KLHL1: variants seen among roughly 807,000 people sequenced by gnomAD.
KLHL1 encodes the protein kelch-like protein 1.
A neutral mutation model predicts 77.7 loss-of-function variants in KLHL1; 47 were observed. That is an observed-to-expected ratio of 0.60 (90% CI 0.48 to 0.77). The LOEUF is 0.77. KLHL1 is among the 30% of genes least tolerant of loss of function. The probability of loss-of-function intolerance (pLI) is 0.00; values close to 1 mark genes in which losing one functional copy is unlikely to be tolerated. For missense variants in KLHL1, 925 were observed against 910.8 expected (o/e 1.02, Z -0.20); for synonymous variants, 360 against 325.2 (o/e 1.11, Z -1.15).
At chr13:69,844,773 T>C (rs1374697690) in intron 5 of KLHL1, among the ~76,000 whole-genome samples, 1 of 151,644 alleles carries the variant, frequency 6.6e-6, no homozygotes, top group East Asian at 1.9e-4. Context: ...TTTTTATTTA[T>C]TTATTTATTT....
intron 1 of KLHL1, among the ~76,000 whole-genome samples, chr13:70,032,979 A>G (rs926524113): frequency 1.3e-5 from 2 of 152,136 alleles, no homozygotes; most frequent in Non-Finnish European, 2.9e-5. Context: ...TTTGAATTCA[A>G]TGGGATTGCT....
intron 7 of KLHL1, among the ~76,000 whole-genome samples, chr13:69,795,133 C>T (rs1207287499): frequency 6.6e-6 from 1 of 152,126 alleles, no homozygotes; most frequent in African/African-American, 2.4e-5. Flanking sequence ...ATATCTTGTG[C>T]CCCCATCAAC....
At chr13:69,853,615 G>A (rs1879779099) in intron 5 of KLHL1, among the ~76,000 whole-genome samples, 1 of 151,964 alleles carries the variant, frequency 6.6e-6, no homozygotes, top group Non-Finnish European at 1.5e-5. Flanking sequence ...AGTTTAATGT[G>A]TAGATACATA....
At chr13:70,025,744 A>C (rs1388557246) in intron 1 of KLHL1, among the ~76,000 whole-genome samples, 1 of 151,866 alleles carries the variant, frequency 6.6e-6, no homozygotes, top group South Asian at 2.1e-4. Context: ...TGTTTTAAAA[A>C]TATGTACAGG....
At chr13:70,018,355 G>C (rs1179877763) in intron 1 of KLHL1, among the ~76,000 whole-genome samples, 1 of 152,184 alleles carries the variant, frequency 6.6e-6, no homozygotes, top group Non-Finnish European at 1.5e-5. Flanking sequence ...AACTCAAATA[G>C]TGGGGTTATG....
chr13:70,038,581 ATTTTTTTT>A (rs55885952), intron 1 of KLHL1, among the ~76,000 whole-genome samples: 49 of 73,054 alleles, frequency 6.7e-4, no homozygotes, highest in African/African-American at 2.5e-3. Flanking sequence ...ATTGTCATTA[ATTTTTTTT>A]TTTTTTTTTT....
chr13:69,793,626 G>T (rs1876972071), intron 7 of KLHL1, among the ~76,000 whole-genome samples: 1 of 151,544 alleles, frequency 6.6e-6, no homozygotes, highest in Non-Finnish European at 1.5e-5. Context: ...TGTATAATAT[G>T]TTATTATATA....
intron 10 of KLHL1, among the ~76,000 whole-genome samples, chr13:69,704,334 A>C (rs2137867877): frequency 6.6e-6 from 1 of 151,724 alleles, no homozygotes; most frequent in East Asian, 1.9e-4. Flanking sequence ...CCCTCTAAAT[A>C]TCTCTCCAAC....
intron 4 of KLHL1, among the ~76,000 whole-genome samples, chr13:69,929,024 A>T (rs1255196808): frequency 6.6e-6 from 1 of 152,122 alleles, no homozygotes; most frequent in Non-Finnish European, 1.5e-5. Flanking sequence ...TTTTGTGGGG[A>T]CATAACAGTT....
intron 7 of KLHL1, among the ~76,000 whole-genome samples, chr13:69,766,143 A>G (rs1051339850): frequency 3.9e-5 from 6 of 152,190 alleles, no homozygotes; most frequent in African/African-American, 1.4e-4. Context: ...TGCCTCATGA[A>G]TTTAACATTT....
intron 4 of KLHL1, among the ~76,000 whole-genome samples, chr13:69,937,422 T>G (rs911403892): frequency 1.3e-5 from 2 of 152,200 alleles, no homozygotes; most frequent in African/African-American, 2.4e-5. Context: ...TTTCTTCATA[T>G]TTCATAACCA....
At chr13:69,870,519 A>G (rs1880539006) in intron 5 of KLHL1, among the ~76,000 whole-genome samples, 1 of 152,016 alleles carries the variant, frequency 6.6e-6, no homozygotes, top group African/African-American at 2.4e-5. Context: ...CATACAAAAT[A>G]TCATCATGCC....
chr13:70,046,409 G>A (rs1173845130), intron 1 of KLHL1, among the ~76,000 whole-genome samples: 1 of 152,080 alleles, frequency 6.6e-6, no homozygotes, highest in Non-Finnish European at 1.5e-5. Context: ...AATCCCACAG[G>A]TGCAGAGTGA....
At chr13:69,953,683 T>C (rs372604832) in intron 3 of KLHL1, among the ~76,000 whole-genome samples, 3 of 151,100 alleles carry the variant, frequency 2.0e-5, no homozygotes, top group Non-Finnish European at 4.5e-5. Flanking sequence ...AAGCTAGTTG[T>C]TTAAAAAATT....
intron 1 of KLHL1, among the ~76,000 whole-genome samples, chr13:70,009,703 G>A (rs1017117337): frequency 6.6e-6 from 1 of 152,150 alleles, no homozygotes; most frequent in African/African-American, 2.4e-5. Context: ...CATCTGTAAT[G>A]TGGAACTAAT....
chr13:69,754,398 C>A (rs1213955423), intron 7 of KLHL1, among the ~76,000 whole-genome samples: 1 of 152,084 alleles, frequency 6.6e-6, no homozygotes, highest in African/African-American at 2.4e-5. Context: ...AAGGACATAT[C>A]CTTTTTGTAT....
intron 5 of KLHL1, among the ~76,000 whole-genome samples, chr13:69,874,312 A>G (rs981072282): frequency 6.6e-6 from 1 of 151,856 alleles, no homozygotes; most frequent in Non-Finnish European, 1.5e-5. Flanking sequence ...TATACTCACT[A>G]TTTTGGTGAT....
intron 8 of KLHL1, among the ~76,000 whole-genome samples, chr13:69,726,567 T>A (rs927745087): frequency 6.6e-6 from 1 of 152,200 alleles, no homozygotes; most frequent in Non-Finnish European, 1.5e-5. Context: ...GCTACTATTA[T>A]AACACACAGC....
At chr13:70,084,846 T>C (rs1316200665) in intron 1 of KLHL1, among the ~76,000 whole-genome samples, 1 of 151,862 alleles carries the variant, frequency 6.6e-6, no homozygotes, top group Non-Finnish European at 1.5e-5. Context: ...AATATTTTTG[T>C]TCACAGATTC....
Sources: allele counts gnomAD v4.1 joint callset (sites outside exome capture counted in the v4.1 genomes callset), GRCh38; gene constraint gnomAD v4.1.1; transcripts MANE v1.5; gene names NCBI Gene and HGNC (gene_info 2026-07-23, HGNC 2026-07-21).